Variants in PRKAG2 observed in about 807,000 individuals in gnomAD.
PRKAG2 encodes 5'-AMP-activated protein kinase subunit gamma-2.
A neutral mutation model predicts 69.6 loss-of-function variants in PRKAG2; 26 were observed. That is an observed-to-expected ratio of 0.37 (90% confidence interval 0.27 to 0.52). The LOEUF (loss-of-function observed/expected upper bound fraction) is 0.52, where lower values mean the gene tolerates loss of function less well. Among genes scored for constraint, PRKAG2 ranks in the 20% least tolerant of loss-of-function variants. The pLI is 0.90. For synonymous variants in PRKAG2, 293 were observed against 285.0 expected (o/e 1.03, Z -0.28); for missense variants, 557 against 740.0 (o/e 0.75, Z 2.87).
At position 151,777,212 on chromosome 7, in the gene PRKAG2, C is replaced by A. The variant is rs76412828; in HGVS notation, c.466+3940G>T. Reference sequence around the variant, plus strand: ...GGCCCCGAGGTCTAGCTCTTCACTGCGGCAGCACCCCATGTGGACACCAGC... The same window carrying A: ...GGCCCCGAGGTCTAGCTCTTCACTGAGGCAGCACCCCATGTGGACACCAGC... On this transcript the variant is annotated intron_variant, in intron 3 of 15. Transcript: ENST00000287878. The surrounding 1 kb of genome is among the most constrained non-coding windows in gnomAD (Gnocchi z 4.3). Among the ~76,000 whole-genome samples the A allele has an allele frequency of 4.5e-3, 684 of 152,322 alleles. 6 individuals carry two copies. Among genetic ancestry groups the A allele is most frequent in the African/African-American group, 0.015 (609 of 41,572 alleles).
rs1819978722 is a variant in PRKAG2 at position 151,615,781 on chromosome 7, A to G, written c.754+16288T>C. Among the ~76,000 whole-genome samples, 3 of 152,240 alleles carry G rather than the reference A, an allele frequency of 2.0e-5. No homozygotes were observed. In the South Asian group the frequency reaches 6.2e-4, roughly 31 times the overall value. ...ACATGAATGGACATTTTTCAAAAGA[A>G]GACATACACATGGCTAACAAGAATA... On this transcript the variant is annotated intron_variant, in intron 5 of 15. Transcript: ENST00000287878.
chr7:151,750,923 T>C (rs1010533799), intron 3 of PRKAG2, among the ~76,000 whole-genome samples: 2 of 151,616 alleles, frequency 1.3e-5, no homozygotes, highest in African/African-American at 2.4e-5. Context: ...ACATATTATA[T>C]GCATTTTACC....
intron 1 of PRKAG2, 50 bp downstream of exon 1, chr7:151,876,457 C>CGGGAGCGACAGGAGGGCTGGGGAGCAG: frequency 6.5e-7 from 1 of 1,543,192 alleles, no homozygotes; most frequent in Non-Finnish European, 8.9e-7. Context: ...GCGCCGGGGA[C>CGGGAGCGACAGGAGGGCTGGGGAGCAG]GGGAGCGACA....
intron 1 of PRKAG2, among the ~76,000 whole-genome samples, chr7:151,801,568 G>A (rs1366997282): frequency 1.3e-5 from 2 of 152,234 alleles, no homozygotes; most frequent in Non-Finnish European, 2.9e-5. Flanking sequence ...AGACTACGTG[G>A]TGCAGAAAAG....
intron 3 of PRKAG2, among the ~76,000 whole-genome samples, chr7:151,776,323 G>T (rs1244234063): frequency 6.6e-6 from 1 of 152,234 alleles, no homozygotes; most frequent in Non-Finnish European, 1.5e-5. Flanking sequence ...CCGGCCCCTG[G>T]CTGTCTACCC....
intron 9 of PRKAG2, chr7:151,572,375 G>A (rs750692364): frequency 3.8e-6 from 1 of 264,150 alleles, no homozygotes; most frequent in Non-Finnish European, 7.1e-6. Flanking sequence ...CCCATTGTGG[G>A]CAGCGAGGTG....
intron 1 of PRKAG2, among the ~76,000 whole-genome samples, chr7:151,840,430 C>G (rs544525814): frequency 1.3e-5 from 2 of 152,302 alleles, no homozygotes; most frequent in East Asian, 3.9e-4. Context: ...CATCCAGGCT[C>G]AATCATAGCT....
intron 1 of PRKAG2, among the ~76,000 whole-genome samples, chr7:151,796,463 C>T (rs1418114061): frequency 1.3e-5 from 2 of 152,218 alleles, no homozygotes; most frequent in Non-Finnish European, 2.9e-5. Flanking sequence ...AGGGCAATCA[C>T]AGGTTTAGAA....
intron 4 of PRKAG2, among the ~76,000 whole-genome samples, chr7:151,670,143 T>C (rs1424404744): frequency 6.6e-6 from 1 of 151,358 alleles, no homozygotes; most frequent in African/African-American, 2.4e-5. Flanking sequence ...CACACACCTG[T>C]GCACACACCT....
rs1012802476 is a variant in PRKAG2, at chr7:151,575,577, C to T, written c.947-628G>A. Among the ~76,000 whole-genome samples, 27 of 152,270 alleles carry T rather than the reference C, an allele frequency of 1.8e-4. 1 individual carries two copies. Among genetic ancestry groups the T allele is most frequent in the African/African-American group, 6.3e-4 (26 of 41,552 alleles). On this transcript the variant is annotated intron_variant, in intron 7 of 15. Transcript: ENST00000287878. ...GGCATTTAGATAGCTGTAAGTTACA[C>T]AACAGTTTTAACAGTATAACAATGG...
Position 151,558,242 on chromosome 7 carries a change from T to C in PRKAG2, c.1679-1010A>G, listed in dbSNP as rs868261170. On this transcript the variant is annotated intron_variant, in intron 15 of 15. Transcript: ENST00000287878. Reference sequence around the variant, plus strand: ...GAACCAGTACCCCTCTGGGGAACGGTGGCCATTGCCCGATGAAAAGAATCA... The same window carrying C: ...GAACCAGTACCCCTCTGGGGAACGGCGGCCATTGCCCGATGAAAAGAATCA... 2.0e-5 allele frequency: 20 copies of C among 985,452 alleles called. No individual in the cohort carries two copies. The Middle Eastern group carries it at 5.2e-3, about 257-fold the overall frequency. 61.0% of individuals were successfully genotyped at this position (985,452 alleles called of 1,614,324 possible).
intron 1 of PRKAG2, among the ~76,000 whole-genome samples, chr7:151,859,638 G>A (rs1184050105): frequency 6.6e-6 from 1 of 152,190 alleles, no homozygotes; most frequent in Non-Finnish European, 1.5e-5. Context: ...TGGGTCTGCT[G>A]CCAGCCACAG....
At chr7:151,690,492 C>A in intron 3 of PRKAG2, among the ~76,000 whole-genome samples, 1 of 152,156 alleles carries the variant, frequency 6.6e-6, no homozygotes, top group East Asian at 1.9e-4. Context: ...AGAAGGCAGG[C>A]CGGATACTCC....
chr7:151,590,932 T>G (rs1812955265), intron 6 of PRKAG2, among the ~76,000 whole-genome samples: 3 of 152,242 alleles, frequency 2.0e-5, no homozygotes, highest in Admixed American at 6.5e-5. Context: ...CTGCCTGAAG[T>G]GCAGGGCACT....
chr7:151,559,361 T>TTAA, intron 15 of PRKAG2: 1 of 985,470 alleles, frequency 1.0e-6, no homozygotes, highest in South Asian at 4.7e-5. Context: ...TGTTTCATGA[T>TTAA]TATAGAGACT....
At chr7:151,741,020 A>T (rs2073845927) in intron 3 of PRKAG2, among the ~76,000 whole-genome samples, 1 of 152,226 alleles carries the variant, frequency 6.6e-6, no homozygotes, top group African/African-American at 2.4e-5. Context: ...CTTTTTAAAA[A>T]TCAGCTTCTA....
At chr7:151,669,968 ACACACCTGTG>A (rs1490692101) in intron 4 of PRKAG2, among the ~76,000 whole-genome samples, 1 of 148,256 alleles carries the variant, frequency 6.7e-6, no homozygotes, top group Admixed American at 6.7e-5. Context: ...ACACACCTGC[ACACACCTGTG>A]CACACACACT....
chr7:151,634,123 T>TA (rs572497648), intron 4 of PRKAG2, among the ~76,000 whole-genome samples: 1 of 152,062 alleles, frequency 6.6e-6, no homozygotes, highest in Admixed American at 6.6e-5. Context: ...ACTATATAGA[T>TA]ACAGCAATCA....
At chr7:151,768,467 CTTTCT>C (rs1047717729) in intron 3 of PRKAG2, among the ~76,000 whole-genome samples, 67 of 74,770 alleles carry the variant, frequency 9.0e-4, no homozygotes, top group African/African-American at 3.4e-3. Flanking sequence ...TTCTTTCTTT[CTTTCT>C]TTTTTTTTCT....
Sources: allele counts gnomAD v4.1 joint callset (sites outside exome capture counted in the v4.1 genomes callset), GRCh38; gene constraint gnomAD v4.1.1; non-coding constraint Gnocchi (gnomAD v3.1); transcripts MANE v1.5; gene names NCBI Gene and HGNC (gene_info 2026-07-23, HGNC 2026-07-21).